SLC24A3: variants seen among roughly 807,000 people sequenced by gnomAD.
SLC24A3 encodes sodium/potassium/calcium exchanger 3.
Under a neutral mutation model 75.8 loss-of-function variants are expected in SLC24A3, and 28 were observed. The observed-to-expected ratio is 0.37, with a 90% confidence interval of 0.27 to 0.51. SLC24A3 has a LOEUF of 0.51. Ranked by LOEUF, SLC24A3 falls within the 20% of genes least tolerant of loss-of-function variation. SLC24A3 has a pLI of 0.94. For synonymous variants in SLC24A3, 372 were observed against 334.1 expected, an observed-to-expected ratio of 1.11 and a Z score of -1.24; for missense variants, 663 against 847.8, an observed-to-expected ratio of 0.78 and a Z score of 2.71.
chr20:19,685,442 T>C (rs1038639116), intron 12 of SLC24A3, 81 bp downstream of exon 12: 29 of 1,543,634 alleles, frequency 1.9e-5, no homozygotes, highest in Non-Finnish European at 2.4e-5. Flanking sequence ...ATTATCTTTT[T>C]ACCATTCAAT....
intron 2 of SLC24A3, among the ~76,000 whole-genome samples, chr20:19,422,371 C>T (rs981318172): frequency 1.3e-5 from 2 of 152,072 alleles, no homozygotes; most frequent in Non-Finnish European, 2.9e-5. Context: ...CAGGTAGTGA[C>T]ACAGGTATTG....
chr20:19,368,213 T>C (rs1182150181), intron 2 of SLC24A3, among the ~76,000 whole-genome samples: 1 of 152,104 alleles, frequency 6.6e-6, no homozygotes, highest in South Asian at 2.1e-4. Context: ...AGAAACATCA[T>C]GGCTGGATGG....
At chr20:19,324,792 A>G (rs536100103) in intron 2 of SLC24A3, among the ~76,000 whole-genome samples, 118 of 152,352 alleles carry the variant, frequency 7.7e-4, no homozygotes, top group Non-Finnish European at 1.3e-3. Context: ...ATTGTGACAC[A>G]TGCCGTCCTG....
chr20:19,473,499 A>T (rs959506530), intron 2 of SLC24A3, among the ~76,000 whole-genome samples: 1 of 152,250 alleles, frequency 6.6e-6, no homozygotes, highest in Non-Finnish European at 1.5e-5. Context: ...TACTGGAACT[A>T]CGTTAAGCCC....
chr20:19,709,095 C>T (rs1310130142), intron 15 of SLC24A3, among the ~76,000 whole-genome samples: 1 of 152,204 alleles, frequency 6.6e-6, no homozygotes. Flanking sequence ...AGTGGGCAAT[C>T]AGGGCTGACT....
At position 19,585,478 on chromosome 20, in the gene SLC24A3, C is replaced by A. The variant is rs945648250; in HGVS notation, c.546C>A (p.Thr182=). ...FITKGDVGVG[T]IVGSAVFNIL... ...CCAAAGGCGATGTGGGAGTTGGCACCATCGTGGGCTCAGCGGTATTCAACA... is the reference window on the plus strand; with the variant it reads ...CCAAAGGCGATGTGGGAGTTGGCACAATCGTGGGCTCAGCGGTATTCAACA... The change falls in exon 6 of 17, where the codon ACC becomes ACA. Residue 182 remains threonine, a synonymous_variant. Transcript: ENST00000328041. 29 of 1,614,138 alleles carry A rather than the reference C, an allele frequency of 1.8e-5. No individual in the cohort carries two copies. Among genetic ancestry groups the A allele is most frequent in the Non-Finnish European group, 2.5e-5 (29 of 1,180,010 alleles).
chr20:19,422,508 G>A (rs532582391), intron 2 of SLC24A3, among the ~76,000 whole-genome samples: 12 of 152,234 alleles, frequency 7.9e-5, no homozygotes, highest in Admixed American at 7.8e-4. Context: ...TTCTGACCTG[G>A]GCTATCCTGC....
At position 19,463,301 on chromosome 20, in the gene SLC24A3, G is replaced by T. The variant is rs1009320984; in HGVS notation, c.272-52187G>T. 7.2e-5 allele frequency among the ~76,000 whole-genome samples: 11 copies of T among 152,102 alleles called. No individual in the cohort carries two copies. In the East Asian group the frequency reaches 2.1e-3, roughly 29 times the overall value. On this transcript the variant is annotated intron_variant, in intron 2 of 16. Coordinates refer to ENST00000328041, the MANE Select transcript of SLC24A3 (RefSeq NM_020689.4). ...AAATTCCTGGGAGCGTATTCACTGG[G>T]TCCAGTAATGACAGTATTTCCCTAG...
chr20:19,566,651 A>G (rs2030963050), intron 3 of SLC24A3, among the ~76,000 whole-genome samples: 1 of 152,236 alleles, frequency 6.6e-6, no homozygotes, highest in African/African-American at 2.4e-5. Flanking sequence ...AACATTCCTT[A>G]TTCTACAAGA....
chr20:19,654,549 A>T (rs2032243252), intron 7 of SLC24A3, among the ~76,000 whole-genome samples: 1 of 151,076 alleles, frequency 6.6e-6, no homozygotes, highest in South Asian at 2.1e-4. Context: ...CATGTCACTT[A>T]GCAGTGACAC....
At chr20:19,598,986 T>C (rs555346490) in intron 6 of SLC24A3, among the ~76,000 whole-genome samples, 1 of 152,280 alleles carries the variant, frequency 6.6e-6, no homozygotes, top group East Asian at 1.9e-4. Context: ...ATAGTTTTCA[T>C]ATGAATAGCT....
At chr20:19,271,745 C>G (rs1470555057) in intron 1 of SLC24A3, among the ~76,000 whole-genome samples, 1 of 152,056 alleles carries the variant, frequency 6.6e-6, no homozygotes, top group African/African-American at 2.4e-5. Flanking sequence ...AATGGAAAAC[C>G]AAACATTGTA....
chr20:19,651,981 C>T (rs2032211288), intron 6 of SLC24A3, among the ~76,000 whole-genome samples: 1 of 152,026 alleles, frequency 6.6e-6, no homozygotes, highest in Non-Finnish European at 1.5e-5. Flanking sequence ...AATGCTGGAT[C>T]TCTTATTTTC....
intron 1 of SLC24A3, among the ~76,000 whole-genome samples, chr20:19,252,035 C>T (rs1338215485): frequency 6.6e-6 from 1 of 152,110 alleles, no homozygotes; most frequent in Non-Finnish European, 1.5e-5. Context: ...TCTTTGTGGC[C>T]AGGCTACATT....
intron 2 of SLC24A3, among the ~76,000 whole-genome samples, chr20:19,340,595 G>A (rs1985250685): frequency 6.6e-6 from 1 of 152,162 alleles, no homozygotes; most frequent in Non-Finnish European, 1.5e-5. Flanking sequence ...CCCACAGCCT[G>A]GGCAGGGAGG....
chr20:19,225,960 A>T (rs557540261), intron 1 of SLC24A3, among the ~76,000 whole-genome samples: 1 of 152,294 alleles, frequency 6.6e-6, no homozygotes, highest in African/African-American at 2.4e-5. Flanking sequence ...CTTTTAGTAC[A>T]ATATTGAGTT....
chr20:19,442,196 T>C (rs1266989620), intron 2 of SLC24A3, among the ~76,000 whole-genome samples: 1 of 152,184 alleles, frequency 6.6e-6, no homozygotes, highest in African/African-American at 2.4e-5. Flanking sequence ...TGGATATAAG[T>C]TTTCAGCTCA....
intron 3 of SLC24A3, among the ~76,000 whole-genome samples, chr20:19,563,521 A>C (rs1306916615): frequency 1.3e-5 from 2 of 152,220 alleles, no homozygotes; most frequent in Non-Finnish European, 2.9e-5. Context: ...ATAGAAGATT[A>C]GTTTTCTCCT....
intron 3 of SLC24A3, among the ~76,000 whole-genome samples, chr20:19,552,622 A>T (rs535883471): frequency 6.6e-6 from 1 of 152,304 alleles, no homozygotes; most frequent in South Asian, 2.1e-4. Context: ...ATACAATTTC[A>T]TTATGAAACA....
Sources: allele counts gnomAD v4.1 joint callset (sites outside exome capture counted in the v4.1 genomes callset), GRCh38; gene constraint gnomAD v4.1.1; transcripts MANE v1.5; gene names NCBI Gene and HGNC (gene_info 2026-07-23, HGNC 2026-07-21).